Variants in DRC9 observed in about 807,000 individuals in gnomAD.
The protein encoded by DRC9 is dynein regulatory complex protein 9.
At chr3:197,932,346 T>A in the DRC9 span, 3 of 1,567,008 alleles carry the variant, frequency 1.9e-6, no homozygotes, top group Non-Finnish European at 2.6e-6. Context: ...TAATAAATTC[T>A]ATTTTCAGCC....
At chr3:197,927,811 C>T in the DRC9 span, among the ~76,000 whole-genome samples, 5 of 152,162 alleles carry the variant, frequency 3.3e-5, no homozygotes, top group African/African-American at 7.2e-5. Context: ...TTTGCAGGGA[C>T]GTGGATGAAG....
chr3:197,954,202 T>A, the DRC9 span: 2 of 1,592,508 alleles, frequency 1.3e-6, no homozygotes, highest in African/African-American at 2.7e-5. Context: ...AGGTTCAAGG[T>A]GTTGTGCTTT....
At chr3:197,950,798 G>A in the DRC9 span, 1 of 715,024 alleles carries the variant, frequency 1.4e-6, no homozygotes, top group East Asian at 2.7e-5. Context: ...TCATATGGAT[G>A]TTCTGGCATT....
At chr3:197,912,044 T>C in the DRC9 span, among the ~76,000 whole-genome samples, 2 of 152,140 alleles carry the variant, frequency 1.3e-5, no homozygotes, top group East Asian at 3.9e-4. Flanking sequence ...ATGTCTTTTT[T>C]TGGTTTTTGT....
At chr3:197,938,737 A>G in the DRC9 span, 2 of 1,613,958 alleles carry the variant, frequency 1.2e-6, no homozygotes, top group Non-Finnish European at 1.7e-6. Flanking sequence ...GGCCATTGGA[A>G]GTTTGTCTAG....
chr3:197,935,642 C>A, the DRC9 span, among the ~76,000 whole-genome samples: 6,112 of 151,882 alleles, frequency 0.04, 146 homozygotes, highest in South Asian at 0.073. Context: ...GCCACCACGC[C>A]CAGCTAATTT....
At chr3:197,917,972 G>A in the DRC9 span, among the ~76,000 whole-genome samples, 2 of 151,102 alleles carry the variant, frequency 1.3e-5, no homozygotes, top group Non-Finnish European at 3.0e-5. Flanking sequence ...TGACCTCAGG[G>A]GATCTGCCCG....
At chr3:197,912,956 C>G in the DRC9 span, 94,896 of 557,656 alleles carry the variant, frequency 0.17, 8,788 homozygotes, top group African/African-American at 0.24. Context: ...CCTAACGAGA[C>G]GAGCACAATC....
chr3:197,904,098 ATATATATATATATTT>A, the DRC9 span, among the ~76,000 whole-genome samples: 10 of 46,908 alleles, frequency 2.1e-4, no homozygotes, highest in African/African-American at 3.7e-4. Flanking sequence ...ATATATATAT[ATATATATATATATTT>A]TTTTTTTTAA....
chr3:197,913,647 C>A, the DRC9 span: 4 of 603,314 alleles, frequency 6.6e-6, no homozygotes, highest in Middle Eastern at 8.9e-4. Flanking sequence ...GAAAGTGCAG[C>A]CAATTTTCAA....
the DRC9 span, among the ~76,000 whole-genome samples, chr3:197,895,682 G>A: frequency 1.5e-3 from 226 of 152,196 alleles, no homozygotes; most frequent in African/African-American, 5.2e-3. Context: ...TATTTAGGTA[G>A]AAAATATTGA....
the DRC9 span, among the ~76,000 whole-genome samples, chr3:197,923,547 T>C: frequency 4.6e-5 from 7 of 152,020 alleles, no homozygotes; most frequent in East Asian, 1.4e-3. Context: ...CTGGACAACA[T>C]AGTGAAACCC....
chr3:197,938,153 T>C, the DRC9 span, among the ~76,000 whole-genome samples: 1 of 151,584 alleles, frequency 6.6e-6, no homozygotes, highest in African/African-American at 2.4e-5. Flanking sequence ...CGTTGTCTAC[T>C]AAAAAATACA....
chr3:197,912,064 G>A, the DRC9 span, among the ~76,000 whole-genome samples: 1 of 150,750 alleles, frequency 6.6e-6, no homozygotes, highest in Non-Finnish European at 1.5e-5. Flanking sequence ...TTTTTGAGAC[G>A]GGGTCTCGCT....
the DRC9 span, among the ~76,000 whole-genome samples, chr3:197,903,399 C>T: frequency 6.6e-6 from 1 of 152,174 alleles, no homozygotes; most frequent in African/African-American, 2.4e-5. Context: ...GTAATCCCAG[C>T]ACTATGGGAG....
the DRC9 span, chr3:197,950,827 C>A: frequency 1.1e-6 from 1 of 937,618 alleles, no homozygotes. Flanking sequence ...CGAACTCCTA[C>A]ATGAAACTCC....
chr3:197,937,473 T>C, the DRC9 span, among the ~76,000 whole-genome samples: 16 of 151,982 alleles, frequency 1.1e-4, no homozygotes, highest in Non-Finnish European at 8.8e-5. Context: ...TTTTCTCTTT[T>C]TTTTTTTTCA....
chr3:197,890,122 C>T, the DRC9 span, among the ~76,000 whole-genome samples: 127 of 152,190 alleles, frequency 8.3e-4, 1 homozygote, highest in East Asian at 7.5e-3. Context: ...ATGCCAGGTG[C>T]GGTGGCTCAT....
chr3:197,952,734 TC>T, the DRC9 span: 1 of 152,098 alleles, frequency 6.6e-6, no homozygotes, highest in Non-Finnish European at 1.5e-5. Flanking sequence ...CCTCAAGTAA[TC>T]CACCTGCCTC....
Sources: gnomAD v4.1 joint callset for allele counts (sites outside exome capture counted in the v4.1 genomes callset) on GRCh38, gnomAD v4.1.1 for gene constraint, MANE v1.5 for transcripts, NCBI Gene and HGNC (gene_info 2026-07-23, HGNC 2026-07-21) for gene names.